Variants in ARMC12 observed in about 807,000 individuals in gnomAD.
ARMC12 encodes armadillo repeat containing 12.
ARMC12 carries 25 observed loss-of-function variants against 37.4 expected under a neutral mutation model. The observed-to-expected ratio is 0.67, with a 90% CI of 0.49 to 0.93. The LOEUF (loss-of-function observed/expected upper bound fraction) is 0.93, where lower values mean the gene tolerates loss of function less well. Ranked by LOEUF, ARMC12 falls within the 40% of genes least tolerant of loss-of-function variation. The pLI is 0.00. For missense variants in ARMC12, 384 were observed against 426.6 expected, an observed-to-expected ratio of 0.90 and a Z score of 0.88; for synonymous variants, 167 against 176.1, an observed-to-expected ratio of 0.95 and a Z score of 0.41.
chr6:35,739,376 A>G (rs1767097851), intron 3 of ARMC12, among the ~76,000 whole-genome samples: 1 of 152,226 alleles, frequency 6.6e-6, no homozygotes, highest in South Asian at 2.1e-4. Flanking sequence ...TTAATTTATA[A>G]CTAAGGTCTG....
chr6:35,741,543 T>C (rs1204755034), intron 3 of ARMC12, among the ~76,000 whole-genome samples: 1 of 151,570 alleles, frequency 6.6e-6, no homozygotes, highest in Non-Finnish European at 1.5e-5. Flanking sequence ...GCTTCCAGAG[T>C]AGCTGGAATC....
rs939748929 is a variant in ARMC12 at position 35,738,289 on chromosome 6, G to T, written c.310-95G>T. 231 of 1,427,810 alleles carry T rather than the reference G, an allele frequency of 1.6e-4. 11 individuals are homozygous for T. The African/African-American group carries it at 1.8e-3, about 11-fold the overall frequency. The allele number at this position is 1,427,810 out of a possible 1,614,324, so 88.4% of individuals were successfully genotyped here. On this transcript the variant is annotated intron_variant, in intron 2 of 5. Coordinates refer to ENST00000373866, the MANE Select transcript of ARMC12 (RefSeq NM_001286574.2). ...ACCTCTCTCTGGCTGATAGCGGTGG[G>T]GGGGGGGTGTGCGGAGGGATCTTGG...
chr6:35,737,046 G>A lies in ARMC12; in HGVS notation c.-63G>A, dbSNP rs772547129. The stretch of plus-strand genomic sequence containing the variant: ...CTGACCCTGCCAGAGTTCTGGTTCC[G>A]GAAGGCCCCCCACAGGTGCCTTGGG... On this transcript the variant is annotated 5_prime_UTR_variant, in exon 1 of 6. Transcript: ENST00000373866. 1,150 of 1,592,946 alleles carry A rather than the reference G, an allele frequency of 7.2e-4. 2 individuals carry two copies. Among genetic ancestry groups the A allele is most frequent in the Non-Finnish European group, 9.2e-4 (1,075 of 1,168,194 alleles).
At position 35,748,588 on chromosome 6, in the gene ARMC12, C is replaced by T; in HGVS notation, c.741C>T (p.Leu247=). ...TCCAGCCCACACAGTCAGGGAGTCT[C>T]CTGTATGAGGTACTGGTGTTTGCTG... ...NLFQPTQSGS[L]LYEVLVFAER... is the part of the protein sequence containing the mutation. Residue 247 remains leucine (L), a synonymous_variant, in exon 6 of 6, where the codon CTC becomes CTT. Coordinates refer to ENST00000373866, the MANE Select transcript of ARMC12 (RefSeq NM_001286574.2). The T allele has an allele frequency of 1.9e-6, 3 of 1,580,962 alleles. No homozygotes were observed. The highest frequency in any genetic ancestry group is 1.7e-6 in the Non-Finnish European group (2 of 1,161,998).
At chr6:35,747,065 A>G (rs1488535903) in intron 3 of ARMC12, among the ~76,000 whole-genome samples, 196 bp from the exon 4 acceptor site, 1 of 151,198 alleles carries the variant, frequency 6.6e-6, no homozygotes. Context: ...TGTAAAAAAA[A>G]AAAAAAAAAA....
At chr6:35,748,512 C>A in intron 5 of ARMC12, 26 bp from the exon 6 acceptor site, 1 of 1,438,860 alleles carries the variant, frequency 6.9e-7, no homozygotes. Flanking sequence ...GAGTTTATTC[C>A]CATTCTTTCT....
chr6:35,736,392 T>C (rs755555755), upstream of ARMC12, among the ~76,000 whole-genome samples: 2 of 151,860 alleles, frequency 1.3e-5, no homozygotes, highest in African/African-American at 4.8e-5. Context: ...AGGAACAGGG[T>C]TGTCAATGGG....
At chr6:35,741,820 C>T (rs904769535) in intron 3 of ARMC12, among the ~76,000 whole-genome samples, 1 of 152,088 alleles carries the variant, frequency 6.6e-6, no homozygotes, top group African/African-American at 2.4e-5. Flanking sequence ...AAAGCAAACA[C>T]ACAAAAGAAT....
the ARMC12 span, among the ~76,000 whole-genome samples, chr6:35,731,670 G>C: frequency 2.6e-5 from 4 of 152,078 alleles, no homozygotes; most frequent in Non-Finnish European, 5.9e-5. Context: ...GCGCGCAGTT[G>C]TCTCGAGTGT....
chr6:35,741,854 G>GA (rs1262218706), intron 3 of ARMC12, among the ~76,000 whole-genome samples: 1 of 151,904 alleles, frequency 6.6e-6, no homozygotes, highest in African/African-American at 2.4e-5. Flanking sequence ...GAAACAAACA[G>GA]AAAAAAATAC....
chr6:35,737,921 AAAGGC>A, intron 1 of ARMC12, 101 bp from the exon 2 acceptor site: 4 of 1,538,014 alleles, frequency 2.6e-6, no homozygotes, highest in Non-Finnish European at 3.5e-6. Flanking sequence ...GCTTCTCCGA[AAAGGC>A]AAGGCAGCCT....
chr6:35,739,031 T>G (rs1581922097), intron 3 of ARMC12, among the ~76,000 whole-genome samples: 3 of 152,116 alleles, frequency 2.0e-5, no homozygotes, highest in Middle Eastern at 6.8e-3. Context: ...AGGAAAGGAC[T>G]TTACTTACTA....
chr6:35,746,916 C>G (rs530076247), intron 3 of ARMC12, among the ~76,000 whole-genome samples: 55 of 151,936 alleles, frequency 3.6e-4, no homozygotes, highest in Admixed American at 7.2e-4. Context: ...GGAGGGACAA[C>G]ATAGCTGGAG....
chr6:35,735,207 A>G (rs1245357745), upstream of ARMC12: 1 of 152,316 alleles, frequency 6.6e-6, no homozygotes, highest in African/African-American at 2.4e-5. The surrounding 1 kb of genome is among the most constrained non-coding windows in gnomAD (Gnocchi z 4.0). Context: ...AGATCCACCA[A>G]AGTAGCCTGG....
chr6:35,747,226 G>A (rs770359461), intron 3 of ARMC12, 35 bp from the exon 4 acceptor site: 7 of 1,593,374 alleles, frequency 4.4e-6, no homozygotes, highest in Non-Finnish European at 5.1e-6. Context: ...GTGATCACCT[G>A]TAAAAGTAAG....
chr6:35,743,224 T>C (rs974218584), intron 3 of ARMC12, among the ~76,000 whole-genome samples: 2 of 151,864 alleles, frequency 1.3e-5, no homozygotes, highest in African/African-American at 4.8e-5. Flanking sequence ...TACTTTTTTT[T>C]TTTTTTTTTG....
chr6:35,736,931 T>C (rs531106196), upstream of ARMC12: 3 of 946,258 alleles, frequency 3.2e-6, no homozygotes, highest in South Asian at 3.2e-5. Context: ...CGAGCACTCC[T>C]GGCTGCCCCA....
intron 3 of ARMC12, among the ~76,000 whole-genome samples, chr6:35,739,766 CT>C (rs1269178322): frequency 6.6e-6 from 1 of 152,248 alleles, no homozygotes; most frequent in African/African-American, 2.4e-5. Flanking sequence ...CACAAGCTCA[CT>C]TCAGGAGTGC....
chr6:35,748,301 C>G (rs1014328346), intron 5 of ARMC12, among the ~76,000 whole-genome samples: 3 of 152,066 alleles, frequency 2.0e-5, no homozygotes, highest in Admixed American at 6.5e-5. Flanking sequence ...ACACACTAAG[C>G]CTTAAAATTT....
Sources: gnomAD v4.1 joint callset for allele counts (sites outside exome capture counted in the v4.1 genomes callset) on GRCh38, gnomAD v4.1.1 for gene constraint, Gnocchi (gnomAD v3.1) non-coding constraint, MANE v1.5 for transcripts, NCBI Gene and HGNC (gene_info 2026-07-23, HGNC 2026-07-21) for gene names.